The following AGAP1 variants were observed in gnomAD, a reference collection of about 807,000 sequenced individuals.
AGAP1 encodes ArfGAP with GTPase domain, ankyrin repeat and PH domain 1, also known as arf-GAP with GTPase, ANK repeat and PH domain-containing protein 1.
In AGAP1, 29 loss-of-function variants were observed where a neutral mutation model predicts 105.3. The observed-to-expected ratio is 0.28, with a 90% CI of 0.21 to 0.38. AGAP1 has a LOEUF of 0.38. Among genes scored for constraint, AGAP1 ranks in the 10% least tolerant of loss-of-function variants. AGAP1 has a pLI of 1.00. For synonymous variants in AGAP1, 509 were observed against 485.9 expected, an observed-to-expected ratio of 1.05 and a Z score of -0.63; for missense variants, 998 against 1,165.1, an observed-to-expected ratio of 0.86 and a Z score of 2.09.
chr2:235,670,159 C>T, intron 1 of AGAP1: 3 of 583,748 alleles, frequency 5.1e-6, no homozygotes, highest in South Asian at 1.8e-5. Flanking sequence ...CGATGCCGCG[C>T]GGGACGCCCC....
In AGAP1 at chr2:235,989,812, G is replaced by A. The variant is rs955564191; in HGVS notation, c.1645+21189G>A. 2.0e-5 allele frequency among the ~76,000 whole-genome samples: 3 copies of A among 152,186 alleles called. No homozygotes were observed. Among genetic ancestry groups the A allele is most frequent in the African/African-American group, 7.2e-5 (3 of 41,446 alleles). On this transcript the variant is annotated intron_variant, in intron 13 of 17. Coordinates refer to ENST00000304032, the MANE Select transcript of AGAP1 (RefSeq NM_001037131.3). This position sits in a 1 kb window ranked among gnomAD's most constrained non-coding sequence, Gnocchi z 4.4. ...TGCATGGAGTGGAACGGTCACAGCA[G>A]CAGCTCACAGGGAGGGACAGCCTCG...
In AGAP1 at chr2:235,557,650, G is replaced by C. The variant is rs998614709; in HGVS notation, c.163+62801G>C. On this transcript the variant is annotated intron_variant, in intron 1 of 17. Coordinates refer to ENST00000304032, the MANE Select transcript of AGAP1 (RefSeq NM_001037131.3). The surrounding 1 kb of genome is among the most constrained non-coding windows in gnomAD (Gnocchi z 4.7). ...ATCCTGTCCTAGAACTTTCCCTGCT[G>C]TCTGGATAAGGAAACTGAGGCACAG... Among the ~76,000 whole-genome samples, 1 of 152,118 alleles carries C rather than the reference G, an allele frequency of 6.6e-6. No individual in the cohort carries two copies. Among genetic ancestry groups the C allele is most frequent in the Non-Finnish European group, 1.5e-5 (1 of 68,030 alleles).
chr2:236,102,239 A>G (rs930919722), intron 16 of AGAP1, among the ~76,000 whole-genome samples: 1 of 152,096 alleles, frequency 6.6e-6, no homozygotes, highest in Non-Finnish European at 1.5e-5. Context: ...AACACGGTGA[A>G]ACCCTGTTTC....
At chr2:235,679,806 T>C (rs1004645140) in intron 1 of AGAP1, among the ~76,000 whole-genome samples, 1 of 152,232 alleles carries the variant, frequency 6.6e-6, no homozygotes, top group Admixed American at 6.5e-5. Flanking sequence ...ATATTCCTTG[T>C]TGGGCGTGAC....
intron 1 of AGAP1, among the ~76,000 whole-genome samples, chr2:235,571,531 C>T (rs1318619905): frequency 6.6e-6 from 1 of 152,170 alleles, no homozygotes; most frequent in East Asian, 1.9e-4. Context: ...GTTCTGTTGG[C>T]CAGTGCTTGT....
Position 235,801,604 on chromosome 2 carries a change from T to G in AGAP1, c.957+2082T>G, listed in dbSNP as rs575684525. Among the ~76,000 whole-genome samples, 1 of 151,668 alleles carries G rather than the reference T, an allele frequency of 6.6e-6. No homozygotes were observed. Among genetic ancestry groups the G allele is most frequent in the Admixed American group, 6.6e-5 (1 of 15,208 alleles). On this transcript the variant is annotated intron_variant, in intron 8 of 17. Transcript: ENST00000304032. The surrounding 1 kb of genome is among the most constrained non-coding windows in gnomAD (Gnocchi z 6.0). ...CCTGTCTACCCCCAGGCTGGGGGGC[T>G]TTGGGTTGAAGTGTTTCCTGCTAGA...
rs1368682991 is a variant in AGAP1 at position 235,952,592 on chromosome 2, T to G, written c.1484-15870T>G. On this transcript the variant is annotated intron_variant, in intron 12 of 17. Transcript: ENST00000304032. ...AGTGTGAAGTGTTTGCACTGTAAAT[T>G]TTATCTGTGTTTTTTTTTAAAAAAA... Among the ~76,000 whole-genome samples, 14 of 152,110 alleles carry G rather than the reference T, an allele frequency of 9.2e-5. No individual in the cohort carries two copies. The East Asian group carries it at 1.5e-3, about 17-fold the overall frequency.
intron 16 of AGAP1, among the ~76,000 whole-genome samples, chr2:236,116,982 A>T (rs1005912229): frequency 1.3e-5 from 2 of 152,174 alleles, no homozygotes; most frequent in African/African-American, 4.8e-5. Flanking sequence ...TATACACCAC[A>T]GTTTCTTTAT....
intron 1 of AGAP1, among the ~76,000 whole-genome samples, chr2:235,587,672 TTGAACAC>T (rs1406336553): frequency 1.3e-5 from 2 of 151,976 alleles, no homozygotes; most frequent in African/African-American, 4.8e-5. Flanking sequence ...GGAGAATTGC[TTGAACAC>T]TGGAGGTGGA....
In AGAP1 at chr2:236,007,727, T is replaced by C. The variant is rs543110694; in HGVS notation, c.1646-28834T>C. On this transcript the variant is annotated intron_variant, in intron 13 of 17. Transcript: ENST00000304032. ...GGGATGAGGGAAAAAAAGAGATGAATGTTTCCCATTATCACTCATTTCTGT... is the reference window on the plus strand; with the variant it reads ...GGGATGAGGGAAAAAAAGAGATGAACGTTTCCCATTATCACTCATTTCTGT... Among the ~76,000 whole-genome samples, 6 of 152,322 alleles carry C rather than the reference T, an allele frequency of 3.9e-5. No homozygotes were observed. In the South Asian group the frequency reaches 1.2e-3, roughly 32 times the overall value.
In AGAP1 at chr2:235,892,162, A is replaced by T. The variant is rs151214839; in HGVS notation, c.1155+8713A>T. Among the ~76,000 whole-genome samples, 828 of 152,190 alleles carry T rather than the reference A, an allele frequency of 5.4e-3. 14 individuals are homozygous for T. The highest frequency in any genetic ancestry group is 0.019 in the African/African-American group (777 of 41,504). On this transcript the variant is annotated intron_variant, in intron 10 of 17. Transcript: ENST00000304032. ...GTGAGACTCCCATCTCAAAAAAAAA[A>T]AAAAGTCCTTCTTAGATTCCTTTCC... is the stretch of plus-strand genomic sequence containing the variant.
At chr2:235,618,061 G>A (rs986179634) in intron 1 of AGAP1, among the ~76,000 whole-genome samples, 1 of 152,078 alleles carries the variant, frequency 6.6e-6, no homozygotes, top group South Asian at 2.1e-4. Context: ...CTCAGACTTG[G>A]AAGATCTGCG....
chr2:235,718,806 G>T (rs1461645164), intron 3 of AGAP1, among the ~76,000 whole-genome samples: 1 of 152,096 alleles, frequency 6.6e-6, no homozygotes, highest in Non-Finnish European at 1.5e-5. Context: ...TGTATGTAGG[G>T]GTCAATAGGA....
rs541024825 is a variant in AGAP1, at chr2:235,535,381, G to A, written c.163+40532G>A. ...ATTGAAGAGGGTGTGAGGTCGCGGC[G>A]CCTGACCCTCATTATGTCAGTTACT... On this transcript the variant is annotated intron_variant, in intron 1 of 17. Coordinates refer to ENST00000304032, the MANE Select transcript of AGAP1 (RefSeq NM_001037131.3). This position sits in a 1 kb window ranked among gnomAD's most constrained non-coding sequence, Gnocchi z 5.1. 2.2e-4 allele frequency among the ~76,000 whole-genome samples: 34 copies of A among 152,238 alleles called. No individual in the cohort carries two copies. Among genetic ancestry groups the A allele is most frequent in the East Asian group, 1.9e-4 (1 of 5,178 alleles).
At position 235,660,851 on chromosome 2, in the gene AGAP1, A is replaced by T. The variant is rs768982888; in HGVS notation, c.164-48328A>T. On this transcript the variant is annotated intron_variant, in intron 1 of 17. Transcript: ENST00000304032. This position sits in a 1 kb window ranked among gnomAD's most constrained non-coding sequence, Gnocchi z 5.3. ...TTGTCCCGTTTTTGCAGAAATGAAA[A>T]CCTGATGCAGAGCCTCAAGGTCACT... 1.3e-5 allele frequency among the ~76,000 whole-genome samples: 2 copies of T among 152,064 alleles called. No homozygotes were observed. Among genetic ancestry groups the T allele is most frequent in the Non-Finnish European group, 2.9e-5 (2 of 68,004 alleles).
chr2:235,670,014 C>T (rs1289225147), intron 1 of AGAP1: 5 of 326,754 alleles, frequency 1.5e-5, no homozygotes, highest in African/African-American at 6.6e-5. Context: ...GCCACACTCC[C>T]GGCCCGCCTG....
At chr2:235,543,181 T>C (rs1316702361) in intron 1 of AGAP1, among the ~76,000 whole-genome samples, 1 of 142,784 alleles carries the variant, frequency 7.0e-6, no homozygotes, top group Non-Finnish European at 1.5e-5. Context: ...GGGCTTCTCT[T>C]TCCTGGCTGG....
In AGAP1 at chr2:236,083,859, T is replaced by G. The variant is rs1018628426; in HGVS notation, c.2114+34578T>G. On this transcript the variant is annotated intron_variant, in intron 16 of 17. Transcript: ENST00000304032. The surrounding 1 kb of genome is among the most constrained non-coding windows in gnomAD (Gnocchi z 5.3). Reference sequence around the variant, plus strand: ...GATGCTCTGCCCTCAATTAAATGAATCCGAGATAAATGGGCATGTGCGTGT... The same window carrying G: ...GATGCTCTGCCCTCAATTAAATGAAGCCGAGATAAATGGGCATGTGCGTGT... Among the ~76,000 whole-genome samples, 6 of 152,112 alleles carry G rather than the reference T, an allele frequency of 3.9e-5. No individual in the cohort carries two copies. The highest frequency in any genetic ancestry group is 1.4e-4 in the African/African-American group (6 of 41,396).
At chr2:235,802,024 G>A (rs888069633) in intron 8 of AGAP1, among the ~76,000 whole-genome samples, 4 of 151,744 alleles carry the variant, frequency 2.6e-5, no homozygotes, top group Admixed American at 6.6e-5. Context: ...AGGTGACTTA[G>A]GGAGGAGAAC....
Sources: allele counts gnomAD v4.1 joint callset (sites outside exome capture counted in the v4.1 genomes callset), GRCh38; gene constraint gnomAD v4.1.1; non-coding constraint Gnocchi (gnomAD v3.1); transcripts MANE v1.5; gene names NCBI Gene and HGNC (gene_info 2026-07-23, HGNC 2026-07-21).